Variants in HIF3A observed in about 807,000 individuals in gnomAD.
HIF3A encodes hypoxia inducible factor 3 subunit alpha.
HIF3A carries 41 observed loss-of-function variants against 67.2 expected under a neutral mutation model. The ratio of observed to expected loss-of-function variants is 0.61; its 90% CI spans 0.48 to 0.79. The LOEUF (loss-of-function observed/expected upper bound fraction) is 0.79. Among genes scored for constraint, HIF3A ranks in the 30% least tolerant of loss-of-function variants. The pLI, the probability that HIF3A is intolerant of heterozygous loss-of-function variation, is 0.00. For synonymous variants in HIF3A, 356 were observed against 374.8 expected (o/e 0.95, Z 0.58); for missense variants, 855 against 898.0 (o/e 0.95, Z 0.61).
chr19:46,312,678 G>A, intron 8 of HIF3A, 25 bp downstream of exon 8: 2 of 1,539,982 alleles, frequency 1.3e-6, no homozygotes, highest in South Asian at 2.5e-5. Context: ...GGGCTGGGGT[G>A]GCTGTGTGTG....
chr19:46,324,234 C>G (rs565531799), intron 10 of HIF3A, among the ~76,000 whole-genome samples: 22 of 152,332 alleles, frequency 1.4e-4, no homozygotes, highest in East Asian at 1.3e-3. Flanking sequence ...GTCACCACAT[C>G]ATTGGTTATT....
In HIF3A at chr19:46,312,251, C is replaced by G. The variant is rs1010742168; in HGVS notation, c.861C>G (p.Ser287Arg). The change falls in exon 7 of 15, where the codon AGC becomes AGG. Residue 287 changes from serine (S) to arginine (R), a missense_variant. By Grantham distance (110) the Ser-to-Arg change is moderately radical. Around this residue, in one of 3 missense-constraint regions of HIF3A, gnomAD observed 638 missense variants for 660.5 expected, o/e 0.97. Transcript: ENST00000377670. ...ACGCGCTGGACTCCGATGCGGTCAG[C>G]AAGAGCATCCACACCTGTATGTATC... ...YIHALDSDAV[S>R]KSIHTLLSKG... 3.3e-5 allele frequency: 54 copies of G among 1,613,828 alleles called. No individual in the cohort carries two copies. Among genetic ancestry groups the G allele is most frequent in the Non-Finnish European group, 4.6e-5 (54 of 1,179,958 alleles).
At chr19:46,312,830 G>T (rs888843759) in intron 8 of HIF3A, 177 bp downstream of exon 8, 2 of 1,328,926 alleles carry the variant, frequency 1.5e-6, no homozygotes, top group Admixed American at 3.7e-5. Context: ...TGTAAATGCC[G>T]GTGTGTGTGT....
Position 46,325,644 on chromosome 19 carries a change from G to T in HIF3A, c.1440+5G>T. On this transcript the variant is annotated splice_donor_5th_base_variant and intron_variant, in intron 11 of 14. Transcript: ENST00000377670. ...ACAGATTTAGATATAGCTCAGGTAA[G>T]GGCTGGCATGGAAGGGAGTAATCCT... is the stretch of plus-strand genomic sequence containing the variant. 4 of 1,584,892 alleles carry T rather than the reference G, an allele frequency of 2.5e-6. No individual in the cohort carries two copies. The highest frequency in any genetic ancestry group is 2.6e-6 in the Non-Finnish European group (3 of 1,154,276).
At chr19:46,336,085 C>CTTTTTTTTTTT (rs1017798750) in intron 14 of HIF3A, among the ~76,000 whole-genome samples, 1 of 79,370 alleles carries the variant, frequency 1.3e-5, no homozygotes, top group African/African-American at 5.5e-5. Context: ...CTCTCTCTCT[C>CTTTTTTTTTTT]TTTTTTTTTT....
intron 10 of HIF3A, among the ~76,000 whole-genome samples, chr19:46,324,913 CACACATATATATAT>C (rs1259850850): frequency 7.5e-5 from 11 of 145,748 alleles, no homozygotes; most frequent in African/African-American, 2.3e-4. Context: ...TATATACACA[CACACATATATATAT>C]ACACATATAT....
At chr19:46,308,852 G>C in intron 5 of HIF3A, 77 bp downstream of exon 5, 1 of 1,031,570 alleles carries the variant, frequency 9.7e-7, no homozygotes, top group Non-Finnish European at 1.4e-6. Flanking sequence ...AAGGGTGCTG[G>C]AGTCCAGGCA....
chr19:46,335,280 A>ATTTT (rs1457298591), intron 14 of HIF3A, among the ~76,000 whole-genome samples: 21 of 151,046 alleles, frequency 1.4e-4, no homozygotes, highest in African/African-American at 4.4e-4. Flanking sequence ...TTATTTATTT[A>ATTTT]TTTTTTGAGA....
intron 11 of HIF3A, among the ~76,000 whole-genome samples, chr19:46,327,516 C>G (rs1385235090): frequency 6.6e-6 from 1 of 151,988 alleles, no homozygotes; most frequent in African/African-American, 2.4e-5. Flanking sequence ...GTGGTTTCAC[C>G]AGGCTGGCTC....
intron 4 of HIF3A, 64 bp downstream of exon 4, chr19:46,308,369 C>T: frequency 1.0e-6 from 1 of 973,486 alleles, no homozygotes; most frequent in South Asian, 1.5e-5. Flanking sequence ...CCACCCCTCC[C>T]TCAGCATATC....
chr19:46,332,931 G>A (rs1308838973), intron 13 of HIF3A, among the ~76,000 whole-genome samples: 5 of 150,686 alleles, frequency 3.3e-5, no homozygotes, highest in Admixed American at 1.3e-4. Context: ...GCAGTGAGCC[G>A]AGATCGCGCC....
At chr19:46,306,726 G>C (rs1264735180) in intron 3 of HIF3A, 2 of 152,142 alleles carry the variant, frequency 1.3e-5, no homozygotes, top group Admixed American at 1.3e-4. Flanking sequence ...CAATTTCTCT[G>C]TTAGTGTGAG....
rs763631768 is a variant in HIF3A, at chr19:46,321,811, C to A, written c.1180C>A (p.Pro394Thr). 2 of 1,613,884 alleles carry A rather than the reference C, an allele frequency of 1.2e-6. No individual in the cohort carries two copies. The highest frequency in any genetic ancestry group is 1.7e-6 in the Non-Finnish European group (2 of 1,179,996). ...PGPRILAFLH[P>T]PSLSEAALAA... is the part of the protein sequence containing the mutation. ...CCCCCGGATCCTTGCCTTCCTGCAC[C>A]CGCCTTCCCTGAGCGAGGCTGCCCT... Residue 394 changes from proline to threonine, a missense_variant, in exon 10 of 15, where the codon CCG (proline) becomes ACG (threonine). Transcript: ENST00000377670.
At chr19:46,329,605 T>C in intron 12 of HIF3A, 127 bp downstream of exon 12, 1 of 1,197,594 alleles carries the variant, frequency 8.4e-7, no homozygotes, top group South Asian at 1.9e-5. Flanking sequence ...AGGCCCTCGG[T>C]GGGCCCAGCA....
intron 8 of HIF3A, among the ~76,000 whole-genome samples, chr19:46,319,471 C>G (rs1308614168): frequency 6.6e-6 from 1 of 152,108 alleles, no homozygotes; most frequent in Non-Finnish European, 1.5e-5. Flanking sequence ...TAGATTGTCT[C>G]TGCAGCCAGA....
intron 14 of HIF3A, among the ~76,000 whole-genome samples, chr19:46,337,412 G>A (rs1181834238): frequency 6.6e-6 from 1 of 152,076 alleles, no homozygotes; most frequent in Non-Finnish European, 1.5e-5. Context: ...GGGACTACAA[G>A]TGCGCTTCAT....
Position 46,338,375 on chromosome 19 carries a change from A to C in HIF3A, c.1913-1150A>C, listed in dbSNP as rs1971779912. The C allele has an allele frequency of 1.4e-4, 55 of 405,442 alleles. 1 individual carries two copies. Among genetic ancestry groups the C allele is most frequent in the South Asian group, 9.9e-4 (53 of 53,684 alleles). The allele number at this position is 405,442 out of a possible 1,614,324, so 25.1% of individuals were successfully genotyped here. On this transcript the variant is annotated intron_variant, in intron 14 of 14. Transcript: ENST00000377670. ...GTGCCATCATGCCTGGCTGATGTTT[A>C]TATGTTTTGTAGAGACGAGGTTTCA...
intron 8 of HIF3A, among the ~76,000 whole-genome samples, chr19:46,317,598 C>G (rs1332930608): frequency 6.6e-6 from 1 of 152,096 alleles, no homozygotes; most frequent in Non-Finnish European, 1.5e-5. Flanking sequence ...GCTCATCCTT[C>G]CAGTCTCAGC....
intron 1 of HIF3A, among the ~76,000 whole-genome samples, chr19:46,300,931 CCTGGGAGGTGGGGCA>C (rs949175384): frequency 3.9e-5 from 6 of 152,100 alleles, no homozygotes; most frequent in African/African-American, 1.2e-4. Flanking sequence ...AGCCCAGCTG[CCTGGGAGGTGGGGCA>C]CTGGCCCCAC....
Sources: allele counts gnomAD v4.1 joint callset (sites outside exome capture counted in the v4.1 genomes callset), GRCh38; gene constraint gnomAD v4.1.1; regional missense constraint gnomAD v4.1.1; transcripts MANE v1.5; gene names NCBI Gene and HGNC (gene_info 2026-07-23, HGNC 2026-07-21).